Variants in CAMSAP2 observed in about 807,000 individuals in gnomAD.
CAMSAP2 encodes calmodulin-regulated spectrin-associated protein 2.
Under a neutral mutation model 146.1 loss-of-function variants are expected in CAMSAP2, and 26 were observed. That is an observed-to-expected ratio of 0.18 (90% CI 0.13 to 0.25). The LOEUF is 0.25. Among genes scored for constraint, CAMSAP2 ranks in the 10% least tolerant of loss-of-function variants. The pLI is 1.00. For synonymous variants in CAMSAP2, 499 were observed against 596.6 expected (o/e 0.84, Z 2.38); for missense variants, 1,381 against 1,759.3 (o/e 0.78, Z 3.85).
At chr1:200,779,166 C>T (rs1665365697) in intron 2 of CAMSAP2, among the ~76,000 whole-genome samples, 1 of 152,138 alleles carries the variant, frequency 6.6e-6, no homozygotes, top group African/African-American at 2.4e-5. Flanking sequence ...TTTTTGAAGG[C>T]TGCACAATAT....
At chr1:200,787,030 A>G (rs924478708) in intron 2 of CAMSAP2, among the ~76,000 whole-genome samples, 1 of 151,938 alleles carries the variant, frequency 6.6e-6, no homozygotes, top group African/African-American at 2.4e-5. Flanking sequence ...AAAAAAAAAA[A>G]GATTCCTTTC....
At chr1:200,781,533 TG>T (rs146171037) in intron 2 of CAMSAP2, among the ~76,000 whole-genome samples, 15,240 of 151,996 alleles carry the variant, frequency 0.1, 853 homozygotes, top group Middle Eastern at 0.14. Context: ...ACTGTTTTTT[TG>T]TTGTATGTTT....
At chr1:200,740,429 T>C (rs544712460) in intron 1 of CAMSAP2, among the ~76,000 whole-genome samples, 1 of 152,300 alleles carries the variant, frequency 6.6e-6, no homozygotes, top group South Asian at 2.1e-4. Context: ...TCAGGCTCCG[T>C]TGGATGTAAG....
chr1:200,769,342 TAA>T (rs1036018930), intron 2 of CAMSAP2, among the ~76,000 whole-genome samples: 1 of 152,248 alleles, frequency 6.6e-6, no homozygotes, highest in African/African-American at 2.4e-5. Flanking sequence ...AGACTCATAC[TAA>T]GTTTCTCTTT....
intron 1 of CAMSAP2, among the ~76,000 whole-genome samples, chr1:200,745,375 T>C (rs550293785): frequency 2.2e-4 from 34 of 152,230 alleles, no homozygotes; most frequent in African/African-American, 8.2e-4. Flanking sequence ...AGACACACTA[T>C]TGTGATCTAA....
intron 10 of CAMSAP2, 79 bp from the exon 11 acceptor site, chr1:200,847,953 T>G (rs1667504669): frequency 8.5e-6 from 9 of 1,056,552 alleles, no homozygotes; most frequent in Non-Finnish European, 1.2e-5. Flanking sequence ...GAAATGTAAT[T>G]TCAAATAATT....
At chr1:200,750,225 G>T (rs1173958306) in intron 1 of CAMSAP2, among the ~76,000 whole-genome samples, 1 of 152,182 alleles carries the variant, frequency 6.6e-6, no homozygotes, top group Non-Finnish European at 1.5e-5. Context: ...TGGAGTCTGA[G>T]ATTGTGAGAA....
chr1:200,839,931 A>G (rs1466525258), intron 6 of CAMSAP2, among the ~76,000 whole-genome samples: 2 of 152,250 alleles, frequency 1.3e-5, no homozygotes, highest in African/African-American at 4.8e-5. Flanking sequence ...TTTACGGATT[A>G]TAAGCATTCT....
intron 2 of CAMSAP2, among the ~76,000 whole-genome samples, chr1:200,785,190 G>T (rs904418297): frequency 2.0e-5 from 3 of 152,058 alleles, no homozygotes; most frequent in African/African-American, 7.2e-5. Context: ...AGCCATGTTC[G>T]TGAGAGATAT....
At chr1:200,757,169 T>C (rs899318510) in intron 1 of CAMSAP2, among the ~76,000 whole-genome samples, 1 of 152,220 alleles carries the variant, frequency 6.6e-6, no homozygotes, top group African/African-American at 2.4e-5. Flanking sequence ...GGCATTCCTA[T>C]GATTTAGTGT....
chr1:200,809,293 A>C (rs1409288121), intron 3 of CAMSAP2, among the ~76,000 whole-genome samples: 1 of 152,234 alleles, frequency 6.6e-6, no homozygotes, highest in Non-Finnish European at 1.5e-5. Flanking sequence ...TGTTACAATG[A>C]AGAATTTCCC....
rs1457725565 is a variant in CAMSAP2, at chr1:200,859,517, A to G, written c.*1458A>G. 2 of 152,638 alleles carry G rather than the reference A, an allele frequency of 1.3e-5. No individual in the cohort carries two copies. Among genetic ancestry groups the G allele is most frequent in the Non-Finnish European group, 2.9e-5 (2 of 67,900 alleles). 9.5% of individuals were successfully genotyped at this position (152,638 alleles called of 1,614,324 possible). On this transcript the variant is annotated 3_prime_UTR_variant, in exon 17 of 17. Coordinates refer to ENST00000358823, the MANE Select transcript of CAMSAP2 (RefSeq NM_203459.4). The stretch of plus-strand genomic sequence containing the variant: ...CTTTAGGCATCAGTGCATCTGGGTT[A>G]TCAACATTTTCTCAAATGCTGTCAA...
In CAMSAP2 at chr1:200,850,002, C is replaced by A; in HGVS notation, c.3233C>A (p.Thr1078Lys). ...TCTGAAGTCCTATCACTGCCTGTCA[C>A]AGAGACTGTATGTCTGACACCAAAT... ...TVSEVLSLPV[T>K]ETVCLTPNED... Residue 1078 changes from threonine (T) to lysine (K), a missense_variant, in exon 11 of 17, where the codon ACA (threonine) becomes AAA (lysine). Coordinates refer to ENST00000358823, the MANE Select transcript of CAMSAP2 (RefSeq NM_203459.4). 6.2e-7 allele frequency: 1 copy of A among 1,614,106 alleles called. No homozygotes were observed. Among genetic ancestry groups the A allele is most frequent in the Non-Finnish European group, 8.5e-7 (1 of 1,180,000 alleles).
Position 200,842,012 on chromosome 1 carries a change from A to T in CAMSAP2, c.946A>T (p.Met316Leu), listed in dbSNP as rs1325472192. Residue 316 changes from methionine to leucine, a missense_variant, in exon 7 of 17, where the codon ATG (methionine) becomes TTG (leucine). Around this residue, in one of 4 missense-constraint regions of CAMSAP2, gnomAD observed 284 missense variants for 406.9 expected, o/e 0.70. Coordinates refer to ENST00000358823, the MANE Select transcript of CAMSAP2 (RefSeq NM_203459.4). ...TATATAGAGTAATTATTTGGTGTTC[A>T]TGGCGGAACTGTTCTGGTGGTTTGA... is the stretch of plus-strand genomic sequence containing the variant. ...SSIKSNYLVF[M>L]AELFWWFEVV... The T allele has an allele frequency of 6.2e-7, 1 of 1,613,580 alleles. No homozygotes were observed. The highest frequency in any genetic ancestry group is 8.5e-7 in the Non-Finnish European group (1 of 1,179,566).
At chr1:200,770,715 A>G (rs1665092746) in intron 2 of CAMSAP2, among the ~76,000 whole-genome samples, 1 of 152,126 alleles carries the variant, frequency 6.6e-6, no homozygotes, top group Non-Finnish European at 1.5e-5. Flanking sequence ...CACCTGGCCT[A>G]CTATTTCTAT....
At chr1:200,779,913 T>A (rs923305232) in intron 2 of CAMSAP2, among the ~76,000 whole-genome samples, 7 of 152,182 alleles carry the variant, frequency 4.6e-5, no homozygotes, top group Non-Finnish European at 5.9e-5. Flanking sequence ...AAACTTTTTT[T>A]AAATAATGAG....
rs1664094219 is a variant in CAMSAP2 at position 200,739,722 on chromosome 1, C to A, written c.-106C>A. 2 of 1,183,522 alleles carry A rather than the reference C, an allele frequency of 1.7e-6. No individual in the cohort carries two copies. Among genetic ancestry groups the A allele is most frequent in the Non-Finnish European group, 2.3e-6 (2 of 879,488 alleles). The allele number at this position is 1,183,522 out of a possible 1,614,324, so 73.3% of individuals were successfully genotyped here. A position where few individuals can be genotyped will look rare whatever the true frequency, so the allele number is the denominator to read the frequency against. The stretch of plus-strand genomic sequence containing the variant: ...GGCGCCCGGGCGGACATCGCCCGGG[C>A]CCCGATGGTTTGAGCTTGCTTCTCC... On this transcript the variant is annotated 5_prime_UTR_variant, in exon 1 of 17. Transcript: ENST00000358823. The surrounding 1 kb of genome is among the most constrained non-coding windows in gnomAD (Gnocchi z 4.8).
At chr1:200,833,585 A>G (rs77817444) in intron 6 of CAMSAP2, among the ~76,000 whole-genome samples, 79 of 152,274 alleles carry the variant, frequency 5.2e-4, no homozygotes, top group African/African-American at 1.8e-3. Flanking sequence ...AAAGTCATGT[A>G]CAAAATTGAT....
At chr1:200,835,163 A>C (rs1170542327) in intron 6 of CAMSAP2, among the ~76,000 whole-genome samples, 3 of 152,164 alleles carry the variant, frequency 2.0e-5, no homozygotes, top group Non-Finnish European at 4.4e-5. Flanking sequence ...ATTTGTTTGC[A>C]GCTACTCTAG....
Sources: gnomAD v4.1 joint callset for allele counts (sites outside exome capture counted in the v4.1 genomes callset) on GRCh38, gnomAD v4.1.1 for gene constraint, gnomAD v4.1.1 regional missense constraint, Gnocchi (gnomAD v3.1) non-coding constraint, MANE v1.5 for transcripts, NCBI Gene and HGNC (gene_info 2026-07-23, HGNC 2026-07-21) for gene names.